The following ANKRD6 variants were observed in gnomAD, a reference collection of about 807,000 sequenced individuals.
ANKRD6 encodes ankyrin repeat domain 6.
In ANKRD6, 56 loss-of-function variants were observed where a neutral mutation model predicts 82.3. That is an observed-to-expected ratio of 0.68 (90% CI 0.55 to 0.85). ANKRD6 has a LOEUF of 0.85. Among genes scored for constraint, ANKRD6 ranks in the 40% least tolerant of loss-of-function variants. The pLI is 0.00. For synonymous variants in ANKRD6, 347 were observed against 352.1 expected, an observed-to-expected ratio of 0.99 and a Z score of 0.16; for missense variants, 852 against 907.6, an observed-to-expected ratio of 0.94 and a Z score of 0.79.
intron 1 of ANKRD6, among the ~76,000 whole-genome samples, chr6:89,559,797 G>A (rs1053377209): frequency 6.6e-6 from 1 of 152,074 alleles, no homozygotes; most frequent in Non-Finnish European, 1.5e-5. Context: ...TATTTTGAGG[G>A]GGAAGGGAGA....
intron 3 of ANKRD6, among the ~76,000 whole-genome samples, chr6:89,601,207 T>C (rs1488593723): frequency 6.6e-6 from 1 of 152,140 alleles, no homozygotes; most frequent in Non-Finnish European, 1.5e-5. Flanking sequence ...GCAAGGGTTC[T>C]CTTTGAATAA....
intron 1 of ANKRD6, among the ~76,000 whole-genome samples, chr6:89,506,769 T>C (rs1446462359): frequency 6.6e-6 from 1 of 152,224 alleles, no homozygotes; most frequent in Admixed American, 6.5e-5. Flanking sequence ...CACAGGTGAC[T>C]TTAGTTGGTT....
intron 1 of ANKRD6, among the ~76,000 whole-genome samples, chr6:89,520,823 T>A (rs1158192334): frequency 6.6e-6 from 1 of 152,216 alleles, no homozygotes; most frequent in Non-Finnish European, 1.5e-5. Context: ...TGTCTTGGGC[T>A]GGGCATGGTG....
At chr6:89,605,771 C>T (rs370938771) in intron 4 of ANKRD6, among the ~76,000 whole-genome samples, 12 of 152,186 alleles carry the variant, frequency 7.9e-5, no homozygotes, top group African/African-American at 2.9e-4. Context: ...ATCCATGGTT[C>T]GTCATGGATT....
At chr6:89,470,506 A>C (rs778317362) in intron 1 of ANKRD6, among the ~76,000 whole-genome samples, 2 of 152,142 alleles carry the variant, frequency 1.3e-5, no homozygotes, top group Non-Finnish European at 2.9e-5. Context: ...CTATAGTCCC[A>C]GATACTCAGG....
At chr6:89,624,345 C>T in intron 12 of ANKRD6, 194 bp from the exon 13 acceptor site, 1 of 712,776 alleles carries the variant, frequency 1.4e-6, no homozygotes, top group Non-Finnish European at 2.3e-6. Context: ...GGGACCATAT[C>T]TTACCCTCTG....
At chr6:89,618,076 C>T (rs1192499292) in intron 9 of ANKRD6, 45 bp downstream of exon 9, 1 of 1,603,540 alleles carries the variant, frequency 6.2e-7, no homozygotes, top group Non-Finnish European at 8.5e-7. Context: ...TGCGGGACTA[C>T]AAAGTTGTTG....
At chr6:89,610,195 G>A (rs780921363) in intron 5 of ANKRD6, among the ~76,000 whole-genome samples, 8 of 152,180 alleles carry the variant, frequency 5.3e-5, no homozygotes, top group Non-Finnish European at 1.2e-4. Flanking sequence ...ATACGGTTGT[G>A]TAACCCCCAC....
chr6:89,618,101 A>C, intron 9 of ANKRD6, 70 bp downstream of exon 9: 1 of 1,524,020 alleles, frequency 6.6e-7, no homozygotes, highest in Non-Finnish European at 9.1e-7. Context: ...TCCTGGTTGC[A>C]ATCTACTGAA....
chr6:89,575,207 G>A (rs1396802408), intron 2 of ANKRD6, among the ~76,000 whole-genome samples: 2 of 152,116 alleles, frequency 1.3e-5, no homozygotes, highest in African/African-American at 4.8e-5. Flanking sequence ...TTGCTTTTAC[G>A]CAGAAAGGGG....
At chr6:89,570,851 A>T (rs1017932351) in intron 2 of ANKRD6, among the ~76,000 whole-genome samples, 1 of 152,226 alleles carries the variant, frequency 6.6e-6, no homozygotes, top group Non-Finnish European at 1.5e-5. Flanking sequence ...CTGTATGAAC[A>T]TGGGTATACA....
rs139561898 is a variant in ANKRD6, at chr6:89,481,023, G to C, written c.-144+47648G>C. On this transcript the variant is annotated intron_variant, in intron 1 of 15. Transcript: ENST00000339746. ...TATAGGAGCACACAATGTAGAAAGTGTAAGTATCCCATAATCCTACCCCAC... is the reference window on the plus strand; with the variant it reads ...TATAGGAGCACACAATGTAGAAAGTCTAAGTATCCCATAATCCTACCCCAC... Among the ~76,000 whole-genome samples the C allele has an allele frequency of 3.9e-3, 590 of 151,760 alleles. 4 individuals carry two copies. The highest frequency in any genetic ancestry group is 0.014 in the African/African-American group (561 of 41,382).
rs71024383 is a variant in ANKRD6 at position 89,578,286 on chromosome 6, CTTTTTTTTTTTTTTTTTT to C, written c.120+11199_120+11216del. Among the ~76,000 whole-genome samples the C allele has an allele frequency of 1.1e-4, 13 of 119,128 alleles. 1 individual carries two copies. The highest frequency in any genetic ancestry group is 4.2e-4 in the African/African-American group (13 of 30,738). The allele number at this position is 119,128 out of a possible 152,430, so 78.2% of individuals were successfully genotyped here. A position where few individuals can be genotyped will look rare whatever the true frequency, so the allele number is the denominator to read the frequency against. On this transcript the variant is annotated intron_variant, in intron 2 of 15. Coordinates refer to ENST00000339746, the MANE Select transcript of ANKRD6 (RefSeq NM_001242809.2). Reference sequence around the variant, plus strand: ...ATTAGCTTTTTCCCCCTCCCGCCTCCTTTTTTTTTTTTTTTTTTTTTTTTTTGGAAACAGAGTCTCACT... The same window carrying C: ...ATTAGCTTTTTCCCCCTCCCGCCTCCTTTTTTTTGGAAACAGAGTCTCACT...
chr6:89,444,128 A>G (rs774889401), intron 1 of ANKRD6, among the ~76,000 whole-genome samples: 9 of 152,246 alleles, frequency 5.9e-5, no homozygotes, highest in Non-Finnish European at 1.3e-4. Flanking sequence ...CTTTGATGAG[A>G]GGAAGGACCT....
At chr6:89,562,624 T>C (rs948652219) in intron 1 of ANKRD6, 2 of 152,210 alleles carry the variant, frequency 1.3e-5, no homozygotes, top group Admixed American at 6.5e-5. Flanking sequence ...CGTGAAAATC[T>C]GCAGACACAA....
intron 1 of ANKRD6, among the ~76,000 whole-genome samples, chr6:89,550,815 G>GCGCTA (rs1785740722): frequency 6.6e-6 from 1 of 152,040 alleles, no homozygotes. Context: ...AATTAGCAGG[G>GCGCTA]CATGGTGGCG....
chr6:89,447,143 A>G lies in ANKRD6; in HGVS notation c.-144+13768A>G, dbSNP rs1446586277. Among the ~76,000 whole-genome samples, 4 of 152,092 alleles carry G rather than the reference A, an allele frequency of 2.6e-5. No homozygotes were observed. The East Asian group carries it at 5.8e-4, about 22-fold the overall frequency. On this transcript the variant is annotated intron_variant, in intron 1 of 15. Transcript: ENST00000339746. ...GTGATATGCACCTGTAGTTCTAGCT[A>G]TTCGGGAAGGCTGAGGTGGGAGGAT...
chr6:89,529,875 G>T (rs562937874), intron 1 of ANKRD6, among the ~76,000 whole-genome samples: 39 of 152,200 alleles, frequency 2.6e-4, no homozygotes, highest in African/African-American at 8.7e-4. Context: ...CATTTTATGT[G>T]GTGTGGTTCA....
intron 6 of ANKRD6, among the ~76,000 whole-genome samples, chr6:89,613,305 T>C (rs1161976816): frequency 6.6e-6 from 1 of 152,202 alleles, no homozygotes; most frequent in Non-Finnish European, 1.5e-5. Context: ...TCCTTGAACT[T>C]CAGGGGGTAC....
Sources: allele counts gnomAD v4.1 joint callset (sites outside exome capture counted in the v4.1 genomes callset), GRCh38; gene constraint gnomAD v4.1.1; transcripts MANE v1.5; gene names NCBI Gene and HGNC (gene_info 2026-07-23, HGNC 2026-07-21).